The following OR9Q1 variants were observed in gnomAD, a reference collection of about 807,000 sequenced individuals.
OR9Q1 encodes the protein olfactory receptor 9Q1.
For missense variants in OR9Q1, 374 were observed against 378.8 expected, an observed-to-expected ratio of 0.99 and a Z score of 0.11; for synonymous variants, 153 against 148.6, an observed-to-expected ratio of 1.03 and a Z score of -0.22.
intron 2 of OR9Q1, among the ~76,000 whole-genome samples, chr11:58,061,713 G>A (rs1853381838): frequency 1.3e-5 from 2 of 152,210 alleles, no homozygotes; most frequent in Admixed American, 1.3e-4. Flanking sequence ...GTCGGCAACA[G>A]CAAGGGCTAT....
At chr11:58,081,697 C>A (rs1419106717) in intron 2 of OR9Q1, among the ~76,000 whole-genome samples, 1 of 149,980 alleles carries the variant, frequency 6.7e-6, no homozygotes, top group South Asian at 2.1e-4. Flanking sequence ...TGCCTAAGTT[C>A]TTTGTAGATT....
At chr11:58,145,355 G>C (rs1390802810) in intron 2 of OR9Q1, 1 of 152,528 alleles carries the variant, frequency 6.6e-6, no homozygotes, top group Non-Finnish European at 1.5e-5. Context: ...TCTACAGCCT[G>C]AGAAACAAAG....
chr11:58,129,453 C>T (rs774198412), intron 2 of OR9Q1, among the ~76,000 whole-genome samples: 1 of 152,112 alleles, frequency 6.6e-6, no homozygotes, highest in Non-Finnish European at 1.5e-5. Flanking sequence ...TAAAAACCTT[C>T]CATTGGCTTC....
intron 2 of OR9Q1, among the ~76,000 whole-genome samples, chr11:58,069,388 C>A (rs1197748332): frequency 6.6e-6 from 1 of 152,154 alleles, no homozygotes; most frequent in Non-Finnish European, 1.5e-5. Flanking sequence ...TGGAAGGAGG[C>A]ATATTCTCTT....
chr11:58,119,207 G>C lies in OR9Q1; in HGVS notation c.-14-60224G>C, dbSNP rs1050264887. 5.6e-6 allele frequency: 9 copies of C among 1,613,906 alleles called. No homozygotes were observed. Among genetic ancestry groups the C allele is most frequent in the African/African-American group, 2.7e-5 (2 of 74,952 alleles). ...CCTGTGGCCAATGTGGCTAGGATCT[G>C]AGGGGTGATGACTGAGGTGTAACAG... is the stretch of plus-strand genomic sequence containing the variant. On this transcript the variant is annotated intron_variant, in intron 2 of 2. Coordinates refer to ENST00000335397, the MANE Select transcript of OR9Q1 (RefSeq NM_001005212.4).
chr11:58,147,701 T>G (rs1335119489), intron 2 of OR9Q1, among the ~76,000 whole-genome samples: 1 of 152,196 alleles, frequency 6.6e-6, no homozygotes, highest in Non-Finnish European at 1.5e-5. Flanking sequence ...GGCAATTATC[T>G]TCTGATTAAC....
intron 1 of OR9Q1, among the ~76,000 whole-genome samples, chr11:58,053,644 A>ATATATAT (rs1853296504): frequency 2.8e-5 from 4 of 144,548 alleles, no homozygotes; most frequent in African/African-American, 1.0e-4. Context: ...ATATATATAT[A>ATATATAT]AATTATATAT....
chr11:58,065,307 G>A (rs1853418370), intron 2 of OR9Q1, among the ~76,000 whole-genome samples: 1 of 150,046 alleles, frequency 6.7e-6, no homozygotes, highest in Admixed American at 6.7e-5. Flanking sequence ...GCAGGCCTAG[G>A]CAGACAGGCA....
intron 1 of OR9Q1, chr11:58,031,022 G>A (rs1208591323): frequency 6.2e-7 from 1 of 1,614,200 alleles, no homozygotes; most frequent in Non-Finnish European, 8.5e-7. Flanking sequence ...TGGCATCCAT[G>A]AAGCACACCT....
At chr11:58,053,573 A>G (rs1216370712) in intron 1 of OR9Q1, among the ~76,000 whole-genome samples, 1 of 132,562 alleles carries the variant, frequency 7.5e-6, no homozygotes, top group Non-Finnish European at 1.7e-5. Flanking sequence ...CATTGTGCAC[A>G]TGTACCCTAA....
At chr11:58,061,648 T>A (rs1375058032) in intron 2 of OR9Q1, among the ~76,000 whole-genome samples, 1 of 152,226 alleles carries the variant, frequency 6.6e-6, no homozygotes, top group Non-Finnish European at 1.5e-5. Flanking sequence ...GTGAGTTGTA[T>A]GAAATGAGGT....
At chr11:58,146,539 T>A (rs1200443861) in intron 2 of OR9Q1, among the ~76,000 whole-genome samples, 1 of 152,206 alleles carries the variant, frequency 6.6e-6, no homozygotes, top group Non-Finnish European at 1.5e-5. Context: ...TCCTTCAGCA[T>A]GGAGATTAGA....
Position 58,180,300 on chromosome 11 carries a change from C to T in OR9Q1, c.856C>T (p.Pro286Ser). The change falls in exon 3 of 3, where the codon CCC becomes TCC. Residue 286 changes from proline to serine, a missense_variant. Transcript: ENST00000335397. ...LYTEVIPMLN[P>S]LIYSLRNKEV... Reference sequence around the variant, plus strand: ...CACAGAGGTCATCCCCATGTTGAATCCCCTCATCTACAGCCTGAGGAACAA... The same window carrying T: ...CACAGAGGTCATCCCCATGTTGAATTCCCTCATCTACAGCCTGAGGAACAA... The T allele has an allele frequency of 1.2e-6, 2 of 1,613,552 alleles. No individual in the cohort carries two copies. The highest frequency in any genetic ancestry group is 8.5e-7 in the Non-Finnish European group (1 of 1,179,584).
intron 2 of OR9Q1, chr11:58,144,980 C>G (rs1854286852): frequency 1.3e-5 from 2 of 155,514 alleles, no homozygotes; most frequent in Non-Finnish European, 2.9e-5. Flanking sequence ...TTCTCTATCT[C>G]CTTCTCTAAG....
chr11:58,100,465 C>T (rs1853772841), intron 2 of OR9Q1, among the ~76,000 whole-genome samples: 2 of 152,090 alleles, frequency 1.3e-5, no homozygotes, highest in Admixed American at 1.3e-4. Flanking sequence ...TAAACTTTAT[C>T]ATAAATTGTT....
intron 2 of OR9Q1, among the ~76,000 whole-genome samples, chr11:58,178,060 C>T (rs773599292): frequency 7.2e-5 from 11 of 152,064 alleles, no homozygotes; most frequent in Non-Finnish European, 5.9e-5. Flanking sequence ...TAATTCAATA[C>T]GTCTGGAGAG....
chr11:58,119,990 C>T (rs1003340949), intron 2 of OR9Q1, among the ~76,000 whole-genome samples: 2 of 152,126 alleles, frequency 1.3e-5, no homozygotes, highest in African/African-American at 4.8e-5. Flanking sequence ...GCTCTTCCTG[C>T]CCACCATTCC....
At chr11:58,048,039 G>C (rs1853235997) in intron 1 of OR9Q1, among the ~76,000 whole-genome samples, 1 of 152,202 alleles carries the variant, frequency 6.6e-6, no homozygotes. Context: ...GGCCAGGGTA[G>C]GGAAGTGAAA....
At chr11:58,129,990 C>T (rs890965355) in intron 2 of OR9Q1, among the ~76,000 whole-genome samples, 1 of 151,846 alleles carries the variant, frequency 6.6e-6, no homozygotes, top group Non-Finnish European at 1.5e-5. Flanking sequence ...ATAGGTATAC[C>T]TGTGCCATGG....
Sources: gnomAD v4.1 joint callset for allele counts (sites outside exome capture counted in the v4.1 genomes callset) on GRCh38, gnomAD v4.1.1 for gene constraint, MANE v1.5 for transcripts, NCBI Gene and HGNC (gene_info 2026-07-23, HGNC 2026-07-21) for gene names.